The following LAMC1 variants were observed in gnomAD, a reference collection of about 807,000 sequenced individuals.
LAMC1 encodes the protein laminin subunit gamma-1.
LAMC1 carries 38 observed loss-of-function variants against 173.6 expected under a neutral mutation model. The ratio of observed to expected loss-of-function variants is 0.22; its 90% CI spans 0.17 to 0.29. The LOEUF (loss-of-function observed/expected upper bound fraction) is 0.29, where lower values mean the gene tolerates loss of function less well. LAMC1 is among the 10% of genes least tolerant of loss of function. The pLI is 1.00. For synonymous variants in LAMC1, 746 were observed against 749.1 expected, an observed-to-expected ratio of 1.00 and a Z score of 0.07; for missense variants, 1,824 against 2,051.8, an observed-to-expected ratio of 0.89 and a Z score of 2.14.
intron 4 of LAMC1, among the ~76,000 whole-genome samples, chr1:183,113,223 A>G (rs968263309): frequency 1.3e-5 from 2 of 152,170 alleles, no homozygotes; most frequent in African/African-American, 4.8e-5. Context: ...CTAAGGCAGG[A>G]GGAGGATCAC....
At chr1:183,062,658 CT>C (rs1269091132) in intron 1 of LAMC1, among the ~76,000 whole-genome samples, 1 of 151,808 alleles carries the variant, frequency 6.6e-6, no homozygotes, top group Non-Finnish European at 1.5e-5. Context: ...AAATAAAAAA[CT>C]TTTATTTACT....
chr1:183,095,875 A>G (rs887596151), intron 1 of LAMC1, among the ~76,000 whole-genome samples: 1 of 152,188 alleles, frequency 6.6e-6, no homozygotes, highest in Non-Finnish European at 1.5e-5. Flanking sequence ...AATTTATCGT[A>G]TGTTTTGATA....
intron 2 of LAMC1, among the ~76,000 whole-genome samples, chr1:183,104,719 CT>C (rs1655925424): frequency 6.6e-6 from 1 of 152,090 alleles, no homozygotes; most frequent in Non-Finnish European, 1.5e-5. Flanking sequence ...ATATATTTTT[CT>C]GTGGGTTCAG....
Position 183,122,105 on chromosome 1 carries a change from A to G in LAMC1, c.2255A>G (p.Glu752Gly). 2 of 1,614,160 alleles carry G rather than the reference A, an allele frequency of 1.2e-6. No homozygotes were observed. The highest frequency in any genetic ancestry group is 4.5e-5 in the East Asian group (2 of 44,884). The change falls in exon 13 of 28, where the codon GAG becomes GGG. Residue 752 changes from glutamate to glycine, a missense_variant. Glu to Gly is a moderately conservative substitution (Grantham distance 98). Coordinates refer to ENST00000258341, the MANE Select transcript of LAMC1 (RefSeq NM_002293.4). ...CRDNTAGPHC[E>G]KCSDGYYGDS... ...GACAATACGGCTGGCCCGCACTGTGAGAAGTGCAGTGATGGGTACTATGGA... is the reference window on the plus strand; with the variant it reads ...GACAATACGGCTGGCCCGCACTGTGGGAAGTGCAGTGATGGGTACTATGGA...
Position 183,035,387 on chromosome 1 carries a change from G to A in LAMC1, c.418+11253G>A, listed in dbSNP as rs150511951. The stretch of plus-strand genomic sequence containing the variant: ...TTTTTTGTAGAGATGGGGTCTCTCT[G>A]TGTTGTCCAGACTGGACCCGAACTC... On this transcript the variant is annotated intron_variant, in intron 1 of 27. Coordinates refer to ENST00000258341, the MANE Select transcript of LAMC1 (RefSeq NM_002293.4). Among the ~76,000 whole-genome samples the A allele has an allele frequency of 3.5e-3, 538 of 152,154 alleles. 5 individuals are homozygous for A. The highest frequency in any genetic ancestry group is 7.8e-3 in the Admixed American group (119 of 15,284).
At chr1:183,138,919 T>A (rs1657027570) in intron 26 of LAMC1, among the ~76,000 whole-genome samples, 1 of 151,992 alleles carries the variant, frequency 6.6e-6, no homozygotes, top group Non-Finnish European at 1.5e-5. Flanking sequence ...TTGGGCATGG[T>A]GGTGGGTGCC....
intron 1 of LAMC1, among the ~76,000 whole-genome samples, chr1:183,080,489 G>A (rs1285310130): frequency 2.0e-5 from 3 of 152,096 alleles, no homozygotes; most frequent in East Asian, 1.9e-4. Context: ...AGTCTTCAGC[G>A]GATCAGCCCC....
intron 1 of LAMC1, among the ~76,000 whole-genome samples, chr1:183,026,291 TACTTG>T (rs1347448860): frequency 6.6e-6 from 1 of 152,224 alleles, no homozygotes; most frequent in Non-Finnish European, 1.5e-5. Flanking sequence ...TTGACTAGGA[TACTTG>T]ACTTGTTCTT....
At chr1:183,116,710 C>T in intron 7 of LAMC1, 35 bp downstream of exon 7, 1 of 1,609,554 alleles carries the variant, frequency 6.2e-7, no homozygotes, top group Non-Finnish European at 8.5e-7. Context: ...ATTGTGTTTT[C>T]TGTTACCATA....
intron 1 of LAMC1, among the ~76,000 whole-genome samples, chr1:183,036,933 G>A (rs1350657761): frequency 6.6e-6 from 1 of 151,908 alleles, no homozygotes; most frequent in Non-Finnish European, 1.5e-5. Context: ...CCACCACCAC[G>A]CCCGGCTAAT....
At chr1:183,062,144 A>G (rs534449909) in intron 1 of LAMC1, among the ~76,000 whole-genome samples, 1 of 152,242 alleles carries the variant, frequency 6.6e-6, no homozygotes, top group East Asian at 1.9e-4. Context: ...GTGGAAATCT[A>G]TGTTTCAATC....
At chr1:183,027,301 A>T (rs1026853546) in intron 1 of LAMC1, among the ~76,000 whole-genome samples, 2 of 152,146 alleles carry the variant, frequency 1.3e-5, no homozygotes, top group Admixed American at 1.3e-4. Context: ...TTCTAAGAAG[A>T]AGTCTTTTTT....
rs538012337 is a variant in LAMC1, at chr1:183,117,428, A to T, written c.1673A>T (p.Tyr558Phe). The change falls in exon 9 of 28, where the codon TAC becomes TTC. Residue 558 changes from tyrosine (Y) to phenylalanine (F), a missense_variant. By Grantham distance (22) the Tyr-to-Phe change is conservative (BLOSUM62 3). Coordinates refer to ENST00000258341, the MANE Select transcript of LAMC1 (RefSeq NM_002293.4). ...ATCTCAGACAGCTACTTTCCTCGGT[A>T]CTTCATTGCTCCTGGTAAGTAAGGC... ...AVISDSYFPR[Y>F]FIAPAKFLGK... The T allele has an allele frequency of 6.2e-7, 1 of 1,613,560 alleles. No homozygotes were observed. Among genetic ancestry groups the T allele is most frequent in the East Asian group, 2.2e-5 (1 of 44,866 alleles).
At chr1:183,107,183 C>T (rs150404735) in intron 2 of LAMC1, among the ~76,000 whole-genome samples, 278 of 152,306 alleles carry the variant, frequency 1.8e-3, no homozygotes, top group Non-Finnish European at 3.4e-3. Flanking sequence ...ATTCACTTAG[C>T]AAATAATAGT....
intron 17 of LAMC1, 94 bp downstream of exon 17, chr1:183,127,498 G>A (rs1656653877): frequency 8.9e-7 from 1 of 1,126,694 alleles, no homozygotes; most frequent in Admixed American, 2.0e-5. Context: ...TGGTGAACAA[G>A]GTAGATGTGG....
At chr1:183,107,805 G>C (rs981789641) in intron 2 of LAMC1, among the ~76,000 whole-genome samples, 3 of 152,088 alleles carry the variant, frequency 2.0e-5, no homozygotes, top group African/African-American at 7.2e-5. Context: ...ACTCCAGCCA[G>C]GGCGACAGAA....
Position 183,124,836 on chromosome 1 carries a change from T to G in LAMC1, c.2607T>G (p.Phe869Leu). The G allele has an allele frequency of 6.2e-7, 1 of 1,614,210 alleles. No homozygotes were observed. The highest frequency in any genetic ancestry group is 1.1e-5 in the South Asian group (1 of 91,084). ...FYCDRCKDGF[F>L]GNPLAPNPAD... ...GTGACCGGTGCAAAGACGGATTTTTTGGAAATCCCCTGGCTCCCAATCCAG... is the reference window on the plus strand; with the variant it reads ...GTGACCGGTGCAAAGACGGATTTTTGGGAAATCCCCTGGCTCCCAATCCAG... Residue 869 changes from phenylalanine (F) to leucine (L), a missense_variant, in exon 14 of 28, where the codon TTT becomes TTG. Phe to Leu is a conservative substitution (Grantham distance 22, BLOSUM62 0). Transcript: ENST00000258341.
chr1:183,093,799 A>C (rs1655625934), intron 1 of LAMC1, among the ~76,000 whole-genome samples: 1 of 152,194 alleles, frequency 6.6e-6, no homozygotes, highest in Admixed American at 6.5e-5. Context: ...CAAAGCTTGC[A>C]TCCCACATCC....
chr1:183,049,334 A>T (rs947730691), intron 1 of LAMC1, among the ~76,000 whole-genome samples: 15 of 152,218 alleles, frequency 9.9e-5, no homozygotes, highest in Non-Finnish European at 1.8e-4. Context: ...AAGTCTTTTT[A>T]AAAAATTGTA....
Sources: allele counts gnomAD v4.1 joint callset (sites outside exome capture counted in the v4.1 genomes callset), GRCh38; gene constraint gnomAD v4.1.1; transcripts MANE v1.5; gene names NCBI Gene and HGNC (gene_info 2026-07-23, HGNC 2026-07-21).